ROBO1: variants seen among roughly 807,000 people sequenced by gnomAD.
ROBO1 encodes roundabout homolog 1.
Under a neutral mutation model 195.9 loss-of-function variants are expected in ROBO1, and 149 were observed. That is an observed-to-expected ratio of 0.76 (90% CI 0.67 to 0.87). The LOEUF is 0.87. ROBO1 is among the 40% of genes least tolerant of loss of function. ROBO1 has a pLI of 0.00. For synonymous variants in ROBO1, 816 were observed against 733.2 expected (o/e 1.11, Z -1.82); for missense variants, 1,933 against 2,068.3 (o/e 0.93, Z 1.27).
chr3:78,920,422 A>G (rs1390547239), intron 4 of ROBO1, among the ~76,000 whole-genome samples: 1 of 151,842 alleles, frequency 6.6e-6, no homozygotes, highest in Non-Finnish European at 1.5e-5. Flanking sequence ...CTCCTGCCTC[A>G]GCCTCCTGAG....
intron 27 of ROBO1, 96 bp from the exon 28 acceptor site, chr3:78,614,896 C>G: frequency 8.0e-7 from 1 of 1,256,090 alleles, no homozygotes; most frequent in Non-Finnish European, 1.1e-6. Flanking sequence ...CCAGAAACAG[C>G]TTTAATTTTT....
In ROBO1 at chr3:78,600,249, C is replaced by T. The variant is rs149473563; in HGVS notation, c.4805G>A (p.Ser1602Asn). ...FPTSNNPRDPSSSSSMSSRGS... is the reference protein window; with the variant it reads ...FPTSNNPRDPNSSSSMSSRGS... The stretch of plus-strand genomic sequence containing the variant: ...TCTTGATGACATTGAGCTTGAGGAA[C>T]TGGGATCTCTGGGATTATTTGATGT... The change falls in exon 30 of 31, where the codon AGT (serine) becomes AAT (asparagine). Residue 1602 changes from serine (S) to asparagine (N), a missense_variant. Ser to Asn is a conservative substitution (Grantham distance 46). This residue lies in a region of ROBO1 where 1,737 missense variants were observed against 1,882.5 expected (regional missense o/e 0.92). Coordinates refer to ENST00000464233, the MANE Select transcript of ROBO1 (RefSeq NM_002941.4). The T allele has an allele frequency of 1.3e-4, 205 of 1,613,284 alleles. 1 individual carries two copies. In the East Asian group the frequency reaches 4.4e-3, roughly 34 times the overall value.
chr3:78,753,456 T>C (rs887948040), intron 4 of ROBO1, among the ~76,000 whole-genome samples: 1 of 152,130 alleles, frequency 6.6e-6, no homozygotes, highest in Non-Finnish European at 1.5e-5. Context: ...AAGTTTGGCA[T>C]AGTAGGTTTC....
At chr3:78,747,040 C>G in intron 4 of ROBO1, 140 bp from the exon 5 acceptor site, 3 of 467,848 alleles carry the variant, frequency 6.4e-6, no homozygotes, top group Non-Finnish European at 1.1e-5. Context: ...GAATCTATAT[C>G]TACTTATAGA....
intron 2 of ROBO1, among the ~76,000 whole-genome samples, chr3:79,314,373 C>T (rs749271166): frequency 6.6e-6 from 1 of 152,100 alleles, no homozygotes; most frequent in Non-Finnish European, 1.5e-5. Flanking sequence ...GGGAGGTTAC[C>T]CTCATGCTGT....
At chr3:79,476,135 A>G (rs1460239146) in intron 2 of ROBO1, among the ~76,000 whole-genome samples, 1 of 152,156 alleles carries the variant, frequency 6.6e-6, no homozygotes, top group East Asian at 1.9e-4. Flanking sequence ...GCCAATAAAC[A>G]TATGAAAAAA....
Position 78,675,046 on chromosome 3 carries a change from C to T in ROBO1, c.1343-4745G>A, listed in dbSNP as rs190147698. ...TATTGGAGCCAGTACATGTATAATA[C>T]GTATCATATACAGAGGTAAGAGTTT... is the stretch of plus-strand genomic sequence containing the variant. On this transcript the variant is annotated intron_variant, in intron 10 of 30. Coordinates refer to ENST00000464233, the MANE Select transcript of ROBO1 (RefSeq NM_002941.4). Among the ~76,000 whole-genome samples the T allele has an allele frequency of 1.1e-3, 165 of 152,024 alleles. 1 individual carries two copies. Among genetic ancestry groups the T allele is most frequent in the Non-Finnish European group, 2.0e-3 (136 of 67,988 alleles).
intron 4 of ROBO1, among the ~76,000 whole-genome samples, chr3:78,775,276 T>C (rs1391258157): frequency 2.0e-5 from 3 of 152,236 alleles, no homozygotes; most frequent in African/African-American, 7.2e-5. Flanking sequence ...ATGTGTGTAA[T>C]TGTTAGGGTA....
At chr3:79,258,155 A>G (rs1352980273) in intron 2 of ROBO1, among the ~76,000 whole-genome samples, 1 of 151,386 alleles carries the variant, frequency 6.6e-6, no homozygotes, top group East Asian at 1.9e-4. Flanking sequence ...CTTTCTCCAC[A>G]TGTCTAATTT....
At chr3:79,499,517 C>G (rs1673441928) in intron 2 of ROBO1, among the ~76,000 whole-genome samples, 1 of 152,160 alleles carries the variant, frequency 6.6e-6, no homozygotes, top group African/African-American at 2.4e-5. Flanking sequence ...GTGGTATATA[C>G]TGTCTATGGA....
chr3:79,026,540 A>G (rs1326217086), intron 3 of ROBO1, among the ~76,000 whole-genome samples: 3 of 152,052 alleles, frequency 2.0e-5, no homozygotes, highest in African/African-American at 7.2e-5. Flanking sequence ...CAAAATGTTC[A>G]AAGTGGTTTC....
At chr3:79,209,202 C>T (rs1049814122) in intron 2 of ROBO1, among the ~76,000 whole-genome samples, 4 of 152,076 alleles carry the variant, frequency 2.6e-5, no homozygotes, top group Non-Finnish European at 2.9e-5. Context: ...CCAATATATC[C>T]ACATAGCTTA....
rs547451437 is a variant in ROBO1 at position 78,772,372 on chromosome 3, A to G, written c.500-25472T>C. On this transcript the variant is annotated intron_variant, in intron 4 of 30. Coordinates refer to ENST00000464233, the MANE Select transcript of ROBO1 (RefSeq NM_002941.4). ...TTGACATCTTCCTGAAATAAAATCCATAGTAATATACTTTGGAAAACGTCA... is the reference window on the plus strand; with the variant it reads ...TTGACATCTTCCTGAAATAAAATCCGTAGTAATATACTTTGGAAAACGTCA... Among the ~76,000 whole-genome samples the G allele has an allele frequency of 4.6e-5, 7 of 152,200 alleles. No individual in the cohort carries two copies. In the East Asian group the frequency reaches 7.7e-4, roughly 17 times the overall value.
intron 2 of ROBO1, among the ~76,000 whole-genome samples, chr3:79,531,617 A>G (rs1188221159): frequency 6.6e-6 from 1 of 152,198 alleles, no homozygotes; most frequent in Non-Finnish European, 1.5e-5. Context: ...ACATGGCTTG[A>G]ATTTTAAGGT....
At chr3:78,607,924 A>G (rs1703561100) in intron 28 of ROBO1, among the ~76,000 whole-genome samples, 1 of 152,016 alleles carries the variant, frequency 6.6e-6, no homozygotes, top group South Asian at 2.1e-4. Flanking sequence ...GCATGTTTAT[A>G]ATCTACTATT....
At chr3:78,906,656 T>G (rs2037940766) in intron 4 of ROBO1, among the ~76,000 whole-genome samples, 1 of 152,266 alleles carries the variant, frequency 6.6e-6, no homozygotes, top group Non-Finnish European at 1.5e-5. Context: ...TCAAATGGTT[T>G]GATGTCAAGA....
intron 2 of ROBO1, among the ~76,000 whole-genome samples, chr3:79,225,298 T>C (rs888281263): frequency 1.3e-5 from 2 of 152,196 alleles, no homozygotes; most frequent in Non-Finnish European, 2.9e-5. Flanking sequence ...GATATCACTA[T>C]AGTCTCTCCT....
At chr3:79,421,701 T>C (rs13058752) in intron 2 of ROBO1, among the ~76,000 whole-genome samples, 50,529 of 152,006 alleles carry the variant, frequency 0.33, 9,896 homozygotes, top group Admixed American at 0.48. Flanking sequence ...ACTATCTGAT[T>C]TGTTGGGTAA....
chr3:78,726,472 A>AT (rs1049020078), intron 5 of ROBO1, among the ~76,000 whole-genome samples: 16 of 152,046 alleles, frequency 1.1e-4, no homozygotes, highest in Non-Finnish European at 2.1e-4. Flanking sequence ...TTTAGAAATT[A>AT]TTTTTTCAGA....
Sources: allele counts gnomAD v4.1 joint callset (sites outside exome capture counted in the v4.1 genomes callset), GRCh38; gene constraint gnomAD v4.1.1; regional missense constraint gnomAD v4.1.1; transcripts MANE v1.5; gene names NCBI Gene and HGNC (gene_info 2026-07-23, HGNC 2026-07-21).